Variants in MYOCD observed in about 807,000 individuals in gnomAD.
MYOCD encodes myocardin.
A neutral mutation model predicts 96.1 loss-of-function variants in MYOCD; 32 were observed. The ratio of observed to expected loss-of-function variants is 0.33; its 90% CI spans 0.25 to 0.45. The LOEUF (loss-of-function observed/expected upper bound fraction) is 0.45, where lower values mean the gene tolerates loss of function less well. Ranked by LOEUF, MYOCD falls within the 20% of genes least tolerant of loss-of-function variation. The pLI, the probability that MYOCD is intolerant of heterozygous loss-of-function variation, is 1.00. For missense variants in MYOCD, 1,133 were observed against 1,200.6 expected (o/e 0.94, Z 0.83); for synonymous variants, 469 against 469.0 (o/e 1.00, Z 0.00).
intron 5 of MYOCD, among the ~76,000 whole-genome samples, chr17:12,729,169 T>A (rs1202892806): frequency 6.6e-6 from 1 of 152,198 alleles, no homozygotes; most frequent in Non-Finnish European, 1.5e-5. Context: ...AACTTTCTCA[T>A]GAACAAAATC....
intron 5 of MYOCD, among the ~76,000 whole-genome samples, chr17:12,730,054 G>A (rs1412977361): frequency 1.3e-5 from 2 of 152,062 alleles, no homozygotes; most frequent in Non-Finnish European, 2.9e-5. Context: ...GGCTGAGGCA[G>A]GAGGATCACT....
At chr17:12,696,150 AT>A (rs57123018) in intron 1 of MYOCD, among the ~76,000 whole-genome samples, 2,383 of 148,956 alleles carry the variant, frequency 0.016, 62 homozygotes, top group African/African-American at 0.053. Flanking sequence ...TCCACCTCCT[AT>A]TTTTTTTTAG....
At position 12,697,389 on chromosome 17, in the gene MYOCD, G is replaced by A. The variant is rs8077742; in HGVS notation, c.56-7739G>A. On this transcript the variant is annotated intron_variant, in intron 1 of 13. Coordinates refer to ENST00000425538, the MANE Select transcript of MYOCD (RefSeq NM_001146312.3). The stretch of plus-strand genomic sequence containing the variant: ...TTTTTTTTTTTTTTTTTGAGACGGG[G>A]TCTCGCTCTGTCGCCCAGGCTGGAG... 2.4e-5 allele frequency among the ~76,000 whole-genome samples: 3 copies of A among 123,600 alleles called. No homozygotes were observed. The South Asian group carries it at 7.7e-4, about 32-fold the overall frequency. 81.1% of individuals were successfully genotyped at this position (123,600 alleles called of 152,430 possible). A position where few individuals can be genotyped will look rare whatever the true frequency, so the allele number is the denominator to read the frequency against.
chr17:12,701,925 G>A (rs1273997375), intron 1 of MYOCD, among the ~76,000 whole-genome samples: 2 of 151,978 alleles, frequency 1.3e-5, no homozygotes, highest in Non-Finnish European at 2.9e-5. Context: ...CTCTATATGA[G>A]AGCAATTATT....
chr17:12,718,766 T>C (rs1373447770), intron 4 of MYOCD, among the ~76,000 whole-genome samples: 1 of 151,854 alleles, frequency 6.6e-6, no homozygotes, highest in Non-Finnish European at 1.5e-5. Flanking sequence ...CAAAGGGAGG[T>C]GACAGAATTC....
At chr17:12,724,918 T>C (rs962435124) in intron 5 of MYOCD, among the ~76,000 whole-genome samples, 3 of 152,158 alleles carry the variant, frequency 2.0e-5, no homozygotes, top group African/African-American at 7.2e-5. Context: ...TCAATTCTAT[T>C]GCAATTTTGT....
intron 4 of MYOCD, among the ~76,000 whole-genome samples, chr17:12,717,654 T>C (rs1272879996): frequency 6.6e-6 from 1 of 152,180 alleles, no homozygotes; most frequent in Non-Finnish European, 1.5e-5. Flanking sequence ...AGCTGTGCGA[T>C]CTCCTAACTC....
intron 1 of MYOCD, 176 bp from the exon 2 acceptor site, chr17:12,704,952 T>C (rs888301722): frequency 8.5e-6 from 5 of 587,326 alleles, no homozygotes; most frequent in Non-Finnish European, 1.5e-5. Flanking sequence ...CTTGTAACCT[T>C]CTCAGCTTCT....
At chr17:12,690,823 C>T (rs538050614) in intron 1 of MYOCD, among the ~76,000 whole-genome samples, 39 of 152,244 alleles carry the variant, frequency 2.6e-4, no homozygotes, top group Admixed American at 1.4e-3. Flanking sequence ...AATGTAAACT[C>T]TTTCTTCAAT....
At chr17:12,753,367 G>A (rs2032918684) in intron 10 of MYOCD, 21 bp downstream of exon 10, 1 of 1,528,598 alleles carries the variant, frequency 6.5e-7, no homozygotes, top group African/African-American at 1.4e-5. Flanking sequence ...CTTGCGCCAT[G>A]CCTGGTGCAC....
rs571780777 is a variant in MYOCD at position 12,753,279 on chromosome 17, C to A, written c.1991C>A (p.Ser664Tyr). Residue 664 changes from serine to tyrosine, a missense_variant, in exon 10 of 14, where the codon TCC becomes TAC. Ser to Tyr is a moderately radical substitution (Grantham distance 144, BLOSUM62 -2). Coordinates refer to ENST00000425538, the MANE Select transcript of MYOCD (RefSeq NM_001146312.3). ...SPNNPHFLPS[S>Y]SGAQGEGHRV... ...AACAACCCTCACTTTCTGCCCTCAT[C>A]CTCCGGGGCCCAGGGAGAAGGGCAC... The A allele has an allele frequency of 6.8e-6, 11 of 1,613,816 alleles. No individual in the cohort carries two copies. In the African/African-American group the frequency reaches 1.5e-4, roughly 22 times the overall value.
chr17:12,747,448 C>T (rs2032699768), intron 9 of MYOCD, among the ~76,000 whole-genome samples: 1 of 152,054 alleles, frequency 6.6e-6, no homozygotes, highest in African/African-American at 2.4e-5. Context: ...TCGCGGGTAC[C>T]AGCAGGACAA....
intron 1 of MYOCD, among the ~76,000 whole-genome samples, chr17:12,696,383 T>G (rs1291539308): frequency 6.6e-6 from 1 of 152,218 alleles, no homozygotes; most frequent in African/African-American, 2.4e-5. Flanking sequence ...TGAGGGTAGA[T>G]GTACAAGTAT....
chr17:12,716,961 G>A (rs1364215049), intron 3 of MYOCD, among the ~76,000 whole-genome samples: 5 of 127,988 alleles, frequency 3.9e-5, no homozygotes, highest in Non-Finnish European at 7.8e-5. Flanking sequence ...CTGCATTCCA[G>A]CCTGGATGAC....
At chr17:12,697,449 G>T (rs1405545240) in intron 1 of MYOCD, among the ~76,000 whole-genome samples, 3 of 142,418 alleles carry the variant, frequency 2.1e-5, no homozygotes, top group Non-Finnish European at 3.0e-5. Context: ...TGCAAGCTCC[G>T]CCTCCTGGGT....
chr17:12,763,349 G>A lies in MYOCD; in HGVS notation c.2666G>A (p.Gly889Glu), dbSNP rs372409336. 6.2e-6 allele frequency: 10 copies of A among 1,600,394 alleles called. No individual in the cohort carries two copies. The Admixed American group carries it at 1.4e-4, about 22-fold the overall frequency. Residue 889 changes from glycine to glutamate, a missense_variant, in exon 14 of 14, where the codon GGA becomes GAA. By Grantham distance (98) the Gly-to-Glu change is moderately conservative. Coordinates refer to ENST00000425538, the MANE Select transcript of MYOCD (RefSeq NM_001146312.3). Reference sequence around the variant, plus strand: ...CCTCACTTTGATGGGATAATGGATGGATTCTCTGGGAAGGCTGCAGAAGAC... The same window carrying A: ...CCTCACTTTGATGGGATAATGGATGAATTCTCTGGGAAGGCTGCAGAAGAC... The part of the protein sequence containing the change: ...EEPHFDGIMD[G>E]FSGKAAEDLF...
intron 1 of MYOCD, among the ~76,000 whole-genome samples, chr17:12,676,520 A>C (rs1910067870): frequency 1.3e-5 from 2 of 151,966 alleles, no homozygotes; most frequent in African/African-American, 4.8e-5. Flanking sequence ...ACAATTATCC[A>C]GTATCTCCTA....
chr17:12,747,542 G>A (rs1832704317), intron 9 of MYOCD, among the ~76,000 whole-genome samples: 1 of 152,090 alleles, frequency 6.6e-6, no homozygotes, highest in Admixed American at 6.6e-5. Flanking sequence ...TCAGACTCAT[G>A]TGCGACGTGT....
chr17:12,685,956 C>CA (rs1392247070), intron 1 of MYOCD, among the ~76,000 whole-genome samples: 16 of 152,214 alleles, frequency 1.1e-4, no homozygotes, highest in Admixed American at 1.0e-3. Context: ...CTTCTGGAGT[C>CA]ACCATAGAAG....
Sources: gnomAD v4.1 joint callset for allele counts (sites outside exome capture counted in the v4.1 genomes callset) on GRCh38, gnomAD v4.1.1 for gene constraint, MANE v1.5 for transcripts, NCBI Gene and HGNC (gene_info 2026-07-23, HGNC 2026-07-21) for gene names.